The following BIRC6 variants were observed in gnomAD, a reference collection of about 807,000 sequenced individuals.
The protein encoded by BIRC6 is dual E2 ubiquitin-conjugating enzyme/E3 ubiquitin-protein ligase BIRC6.
BIRC6 carries 98 observed loss-of-function variants against 503.3 expected under a neutral mutation model. The ratio of observed to expected loss-of-function variants is 0.19; its 90% confidence interval spans 0.17 to 0.23. The LOEUF (loss-of-function observed/expected upper bound fraction) is 0.23, where lower values mean the gene tolerates loss of function less well. Ranked by LOEUF, BIRC6 falls within the 10% of genes least tolerant of loss-of-function variation. The probability of loss-of-function intolerance (pLI) is 1.00; values close to 1 mark genes in which losing one functional copy is unlikely to be tolerated. For missense variants in BIRC6, 5,360 were observed against 5,806.0 expected, an observed-to-expected ratio of 0.92 and a Z score of 2.50; for synonymous variants, 2,240 against 2,078.7, an observed-to-expected ratio of 1.08 and a Z score of -2.11.
chr2:32,435,419 A>G (rs544311179), intron 13 of BIRC6, 77 bp from the exon 14 acceptor site: 9 of 1,384,088 alleles, frequency 6.5e-6, no homozygotes, highest in Middle Eastern at 1.9e-4. Flanking sequence ...TTGATATTAA[A>G]GAAAATTAAG....
intron 37 of BIRC6, among the ~76,000 whole-genome samples, chr2:32,480,216 C>T (rs543851752): frequency 2.0e-5 from 3 of 152,130 alleles, no homozygotes; most frequent in Non-Finnish European, 4.4e-5. Flanking sequence ...ACTTCGTTAT[C>T]GAAGGTTCAC....
In BIRC6 at chr2:32,597,812, C is replaced by G; in HGVS notation, c.13674C>G (p.His4558Gln). 2 of 1,613,748 alleles carry G rather than the reference C, an allele frequency of 1.2e-6. No homozygotes were observed. Among genetic ancestry groups the G allele is most frequent in the Non-Finnish European group, 1.7e-6 (2 of 1,179,708 alleles). The change falls in exon 69 of 74, where the codon CAC becomes CAG. Residue 4558 changes from histidine to glutamine, a missense_variant. His to Gln is a conservative substitution (Grantham distance 24). Transcript: ENST00000421745. ...DGKLGFKVNY[H>Q]YMSQVKNAND... ...AATTGGGATTTAAAGTAAATTACCA[C>G]TACATGTCTCAGGTGAAAAATGCTA...
chr2:32,503,547 G>A (rs774887766), intron 49 of BIRC6, among the ~76,000 whole-genome samples: 1 of 151,950 alleles, frequency 6.6e-6, no homozygotes, highest in Non-Finnish European at 1.5e-5. Flanking sequence ...TCAGCCTCCC[G>A]AGTAGCTGGG....
At chr2:32,498,821 CT>C (rs1393590188) in intron 45 of BIRC6, among the ~76,000 whole-genome samples, 1 of 152,140 alleles carries the variant, frequency 6.6e-6, no homozygotes, top group African/African-American at 2.4e-5. Context: ...CAAAAGTATT[CT>C]TTTGCCTTAG....
Position 32,468,801 on chromosome 2 carries a change from A to C in BIRC6, c.6127+18A>C, listed in dbSNP as rs372736748. ...TTCTAATGGTTTGTATTTGGCTTAC[A>C]TATTTTAAAGGCTGGGAATATACTT... On this transcript the variant is annotated intron_variant, in intron 29 of 73. Transcript: ENST00000421745. 6.5e-7 allele frequency: 1 copy of C among 1,533,560 alleles called. No homozygotes were observed. Among genetic ancestry groups the C allele is most frequent in the African/African-American group, 1.4e-5 (1 of 72,826 alleles). 95.0% of individuals were successfully genotyped at this position (1,533,560 alleles called of 1,614,324 possible).
At chr2:32,501,915 G>A in intron 47 of BIRC6, 27 bp downstream of exon 47, 2 of 1,564,900 alleles carry the variant, frequency 1.3e-6, no homozygotes, top group South Asian at 1.2e-5. Flanking sequence ...AACAGTTGCA[G>A]TGATTCAAAT....
At chr2:32,383,760 G>T (rs535048644) in intron 3 of BIRC6, among the ~76,000 whole-genome samples, 1 of 152,242 alleles carries the variant, frequency 6.6e-6, no homozygotes, top group East Asian at 1.9e-4. Context: ...TTGAACTCCT[G>T]ACCTCAGGTG....
intron 69 of BIRC6, among the ~76,000 whole-genome samples, 163 bp from the exon 70 acceptor site, chr2:32,599,576 T>G (rs552963040): frequency 3.9e-5 from 6 of 152,144 alleles, no homozygotes; most frequent in Non-Finnish European, 8.8e-5. Flanking sequence ...AAGCGGAGGT[T>G]GCAGTGAGCC....
rs1558843389 is a variant in BIRC6 at position 32,478,837 on chromosome 2, T to C, written c.7252+19T>C. The C allele has an allele frequency of 6.2e-7, 1 of 1,607,906 alleles. No homozygotes were observed. The highest frequency in any genetic ancestry group is 8.5e-7 in the Non-Finnish European group (1 of 1,177,048). On this transcript the variant is annotated intron_variant, in intron 36 of 73. Transcript: ENST00000421745. ...TTAGCAGGTGTGTTAGGATTTTTCT[T>C]CATAGAGTATGTCAAAATTACCTTG... is the stretch of plus-strand genomic sequence containing the variant.
chr2:32,420,156 ATCTT>A (rs1338651197), intron 10 of BIRC6, among the ~76,000 whole-genome samples: 1 of 152,080 alleles, frequency 6.6e-6, no homozygotes, highest in East Asian at 1.9e-4. Flanking sequence ...GTTCCTTGTA[ATCTT>A]TCTTTTTTAG....
intron 23 of BIRC6, among the ~76,000 whole-genome samples, chr2:32,462,780 A>C (rs2048136691): frequency 6.6e-6 from 1 of 152,094 alleles, no homozygotes; most frequent in Non-Finnish European, 1.5e-5. Flanking sequence ...ATATGGCGAG[A>C]CCGCATCTCT....
At chr2:32,616,870 C>T (rs1251626693) in intron 73 of BIRC6, among the ~76,000 whole-genome samples, 1 of 152,072 alleles carries the variant, frequency 6.6e-6, no homozygotes, top group African/African-American at 2.4e-5. Context: ...TTTGGGAGGC[C>T]AAGGCAGGTG....
At chr2:32,399,513 C>T (rs2040368109) in intron 6 of BIRC6, among the ~76,000 whole-genome samples, 1 of 152,230 alleles carries the variant, frequency 6.6e-6, no homozygotes. Flanking sequence ...CTGCCTCAGC[C>T]TCCTGACTAA....
Position 32,406,569 on chromosome 2 carries a change from G to A in BIRC6, c.1477+12G>A. The A allele has an allele frequency of 6.3e-7, 1 of 1,586,282 alleles. No individual in the cohort carries two copies. Among genetic ancestry groups the A allele is most frequent in the Non-Finnish European group, 8.6e-7 (1 of 1,157,468 alleles). On this transcript the variant is annotated intron_variant, in intron 9 of 73. Coordinates refer to ENST00000421745, the MANE Select transcript of BIRC6 (RefSeq NM_016252.4). ...AGATTCTGTGACAGGTATGTAAAAA[G>A]TATTAGATAATGTATTTAAAAAATT...
At chr2:32,384,986 A>G (rs1298312557) in intron 3 of BIRC6, among the ~76,000 whole-genome samples, 3 of 152,120 alleles carry the variant, frequency 2.0e-5, no homozygotes, top group Non-Finnish European at 4.4e-5. Context: ...GTTTCTTCCA[A>G]GTGCCTGACC....
intron 3 of BIRC6, among the ~76,000 whole-genome samples, chr2:32,381,513 T>C (rs911847703): frequency 2.0e-5 from 3 of 151,396 alleles, no homozygotes; most frequent in Non-Finnish European, 2.9e-5. Flanking sequence ...GTGCTGGGAT[T>C]ACAGGTGTGA....
Position 32,576,466 on chromosome 2 carries a change from G to A in BIRC6, c.13355+1100G>A, listed in dbSNP as rs79247304. The stretch of plus-strand genomic sequence containing the variant: ...GGTTGTCAGTTTATTCCTCAAAGAT[G>A]GCCTAATTCTGAATTTTGAAGCATT... On this transcript the variant is annotated intron_variant, in intron 66 of 73. Transcript: ENST00000421745. Among the ~76,000 whole-genome samples the A allele has an allele frequency of 1.8e-3, 273 of 152,194 alleles. 1 individual carries two copies. Among genetic ancestry groups the A allele is most frequent in the Non-Finnish European group, 3.3e-3 (225 of 68,002 alleles).
chr2:32,460,877 G>A (rs1332432020), intron 23 of BIRC6, among the ~76,000 whole-genome samples: 2 of 151,868 alleles, frequency 1.3e-5, no homozygotes, highest in Admixed American at 1.3e-4. Context: ...AAGTCTAACA[G>A]TTTCCCCTTG....
At chr2:32,434,567 AC>A (rs1307275561) in intron 13 of BIRC6, among the ~76,000 whole-genome samples, 1 of 152,190 alleles carries the variant, frequency 6.6e-6, no homozygotes, top group Non-Finnish European at 1.5e-5. Flanking sequence ...ATAGTATTAG[AC>A]CACATGTGGT....
Sources: allele counts gnomAD v4.1 joint callset (sites outside exome capture counted in the v4.1 genomes callset), GRCh38; gene constraint gnomAD v4.1.1; transcripts MANE v1.5; gene names NCBI Gene and HGNC (gene_info 2026-07-23, HGNC 2026-07-21).